Variants in GALNT13 observed in about 807,000 individuals in gnomAD.
The protein encoded by GALNT13 is UDP-GalNAc:polypeptide N-acetylgalactosaminyltransferase 13.
A neutral mutation model predicts 64.2 loss-of-function variants in GALNT13; 28 were observed. The ratio of observed to expected loss-of-function variants is 0.44; its 90% CI spans 0.32 to 0.60. GALNT13 has a LOEUF of 0.60. Ranked by LOEUF, GALNT13 falls within the 20% of genes least tolerant of loss-of-function variation. The pLI, the probability that GALNT13 is intolerant of heterozygous loss-of-function variation, is 0.05. For missense variants in GALNT13, 577 were observed against 669.8 expected (o/e 0.86, Z 1.53); for synonymous variants, 214 against 224.6 (o/e 0.95, Z 0.42).
the GALNT13 span, among the ~76,000 whole-genome samples, chr2:153,648,590 T>C: frequency 2.6e-5 from 4 of 152,114 alleles, no homozygotes; most frequent in Admixed American, 6.6e-5. Flanking sequence ...CAGTATGATA[T>C]TGGCTGTGGG....
intron 4 of GALNT13, among the ~76,000 whole-genome samples, chr2:154,189,776 C>T (rs1167684638): frequency 1.3e-5 from 2 of 151,950 alleles, no homozygotes; most frequent in Non-Finnish European, 2.9e-5. Flanking sequence ...CCACCATCCA[C>T]TCCTACTATG....
the GALNT13 span, among the ~76,000 whole-genome samples, chr2:153,697,288 G>A: frequency 0.13 from 20,432 of 152,050 alleles, 2,144 homozygotes; most frequent in African/African-American, 0.29. Flanking sequence ...AAGATGTTTA[G>A]TCTATGTTTT....
the GALNT13 span, among the ~76,000 whole-genome samples, chr2:153,142,466 C>T: frequency 2.0e-5 from 3 of 151,972 alleles, no homozygotes; most frequent in Non-Finnish European, 4.4e-5. Flanking sequence ...AATGGTCAGG[C>T]TCAGTTCAGG....
chr2:154,178,158 G>A (rs1321709756), intron 4 of GALNT13, among the ~76,000 whole-genome samples: 3 of 152,116 alleles, frequency 2.0e-5, no homozygotes, highest in Admixed American at 6.6e-5. Flanking sequence ...ACCACTATAA[G>A]TTAGGTGCTA....
chr2:153,539,549 C>T, the GALNT13 span, among the ~76,000 whole-genome samples: 13,746 of 151,676 alleles, frequency 0.091, 701 homozygotes, highest in Middle Eastern at 0.16. Context: ...GTCTTTAATC[C>T]ATCTTGAATT....
intron 7 of GALNT13, chr2:154,257,557 A>G (rs1690448883): frequency 6.6e-6 from 1 of 152,152 alleles, no homozygotes; most frequent in Non-Finnish European, 1.5e-5. Flanking sequence ...GTTTCTCATT[A>G]TAACTCAGAA....
chr2:154,080,682 A>G (rs986454812), intron 3 of GALNT13, among the ~76,000 whole-genome samples: 1 of 151,696 alleles, frequency 6.6e-6, no homozygotes, highest in African/African-American at 2.4e-5. Context: ...GCACCTTTTC[A>G]TACTGTGGAG....
chr2:153,117,994 T>A, the GALNT13 span, among the ~76,000 whole-genome samples: 2 of 152,140 alleles, frequency 1.3e-5, no homozygotes, highest in African/African-American at 4.8e-5. Flanking sequence ...TCTATTATCT[T>A]TTCCTTGAAC....
rs116729955 is a variant in GALNT13 at position 154,448,106 on chromosome 2, A to G, written c.1531-2305A>G. Among the ~76,000 whole-genome samples, 1,186 of 152,156 alleles carry G rather than the reference A, an allele frequency of 7.8e-3. 21 individuals carry two copies. The highest frequency in any genetic ancestry group is 0.027 in the African/African-American group (1,102 of 41,560). ...GGCTTATTAGCCTTATCCTCACAGA[A>G]GATGATGTTTCCTTGTAACAACTCC... On this transcript the variant is annotated intron_variant, in intron 12 of 12. Coordinates refer to ENST00000392825, the MANE Select transcript of GALNT13 (RefSeq NM_052917.4).
the GALNT13 span, among the ~76,000 whole-genome samples, chr2:153,584,385 C>G: frequency 5.3e-5 from 8 of 152,320 alleles, no homozygotes; most frequent in African/African-American, 1.4e-4. Flanking sequence ...TTCTCAGGAA[C>G]AGAGGTTGGT....
the GALNT13 span, among the ~76,000 whole-genome samples, chr2:153,464,167 G>T: frequency 1.2e-4 from 18 of 152,150 alleles, no homozygotes; most frequent in Non-Finnish European, 1.8e-4. Context: ...AATTGACTCA[G>T]AAACTGGACA....
the GALNT13 span, among the ~76,000 whole-genome samples, chr2:153,121,062 C>T: frequency 6.6e-6 from 1 of 152,254 alleles, no homozygotes; most frequent in African/African-American, 2.4e-5. Context: ...TACTGGGCCT[C>T]ATCAGGAGGA....
chr2:153,071,399 T>A, the GALNT13 span, among the ~76,000 whole-genome samples: 1 of 152,184 alleles, frequency 6.6e-6, no homozygotes, highest in Non-Finnish European at 1.5e-5. Flanking sequence ...ACACTAAAAC[T>A]GCCATGCAGC....
chr2:154,350,269 C>A (rs995124016), intron 9 of GALNT13, among the ~76,000 whole-genome samples: 1 of 152,072 alleles, frequency 6.6e-6, no homozygotes, highest in Non-Finnish European at 1.5e-5. Flanking sequence ...CGAGGCAGAC[C>A]CATCCTCAAT....
chr2:153,938,250 A>G (rs919484463), intron 2 of GALNT13, among the ~76,000 whole-genome samples: 3 of 152,164 alleles, frequency 2.0e-5, no homozygotes, highest in Non-Finnish European at 2.9e-5. Flanking sequence ...TAATGGAAAC[A>G]AGCAAGCAAT....
the GALNT13 span, among the ~76,000 whole-genome samples, chr2:153,462,175 A>C: frequency 2.0e-5 from 3 of 152,038 alleles, no homozygotes; most frequent in Non-Finnish European, 4.4e-5. Context: ...CACTTCTGTA[A>C]TTCAAAATAA....
At chr2:154,209,752 A>T (rs553840166) in intron 4 of GALNT13, among the ~76,000 whole-genome samples, 1 of 152,282 alleles carries the variant, frequency 6.6e-6, no homozygotes, top group South Asian at 2.1e-4. Flanking sequence ...ATTATCATGT[A>T]TGTTTTTGTG....
At chr2:153,634,652 G>A in the GALNT13 span, among the ~76,000 whole-genome samples, 9 of 145,294 alleles carry the variant, frequency 6.2e-5, no homozygotes, top group South Asian at 8.8e-4. Context: ...CTGGGTTCAA[G>A]CGATTCTTCT....
chr2:154,269,926 T>TATATATATA (rs1356571076), intron 8 of GALNT13, among the ~76,000 whole-genome samples: 3 of 33,340 alleles, frequency 9.0e-5, no homozygotes, highest in African/African-American at 2.4e-4. Context: ...ATATATATAT[T>TATATATATA]TCTAAAGCAC....
Sources: allele counts gnomAD v4.1 joint callset (sites outside exome capture counted in the v4.1 genomes callset), GRCh38; gene constraint gnomAD v4.1.1; transcripts MANE v1.5; gene names NCBI Gene and HGNC (gene_info 2026-07-23, HGNC 2026-07-21).